SASH1: variants seen among roughly 807,000 people sequenced by gnomAD.
SASH1 encodes the protein SAM and SH3 domain-containing protein 1.
SASH1 carries 44 observed loss-of-function variants against 125.2 expected under a neutral mutation model. The observed-to-expected ratio is 0.35, with a 90% CI of 0.28 to 0.45. The LOEUF is 0.45. Among genes scored for constraint, SASH1 ranks in the 20% least tolerant of loss-of-function variants. The pLI, the probability that SASH1 is intolerant of heterozygous loss-of-function variation, is 1.00. For missense variants in SASH1, 1,426 were observed against 1,614.5 expected (o/e 0.88, Z 2.00); for synonymous variants, 639 against 649.1 (o/e 0.98, Z 0.24).
intron 4 of SASH1, among the ~76,000 whole-genome samples, chr6:148,454,779 C>T (rs1393607122): frequency 6.6e-6 from 1 of 152,134 alleles, no homozygotes; most frequent in East Asian, 1.9e-4. Flanking sequence ...GGTCTAAAGG[C>T]CTTGTCAAGC....
At chr6:148,267,870 C>T (rs912315578), upstream of SASH1, among the ~76,000 whole-genome samples, 4 of 152,166 alleles carry the variant, frequency 2.6e-5, no homozygotes, top group African/African-American at 7.2e-5. Flanking sequence ...TGACTCTTAA[C>T]AGCAAGCAAT....
At chr6:148,450,995 T>G (rs1777074952) in intron 4 of SASH1, among the ~76,000 whole-genome samples, 1 of 152,240 alleles carries the variant, frequency 6.6e-6, no homozygotes, top group African/African-American at 2.4e-5. Context: ...TAGTAAGTGC[T>G]TGATAATCTT....
Position 148,549,582 on chromosome 6 carries a change from T to A in SASH1, c.*1024T>A. 1 of 399,018 alleles carries A rather than the reference T, an allele frequency of 2.5e-6. No individual in the cohort carries two copies. Among genetic ancestry groups the A allele is most frequent in the Non-Finnish European group, 4.4e-6 (1 of 226,036 alleles). The allele number at this position is 399,018 out of a possible 1,614,324, so 24.7% of individuals were successfully genotyped here. ...GGATCATGTTTGCAAAAGGTCACTG[T>A]GAGGCTGCATATTTCAGAAAGATGT... is the stretch of plus-strand genomic sequence containing the variant. On this transcript the variant is annotated 3_prime_UTR_variant, in exon 20 of 20. Coordinates refer to ENST00000367467, the MANE Select transcript of SASH1 (RefSeq NM_015278.5).
intron 1 of SASH1, among the ~76,000 whole-genome samples, chr6:148,275,455 C>G (rs1050501014): frequency 6.6e-6 from 1 of 152,112 alleles, no homozygotes; most frequent in Non-Finnish European, 1.5e-5. Context: ...TAATTCCTGG[C>G]AAACTCTCGA....
At chr6:148,248,616 G>A in the SASH1 span, among the ~76,000 whole-genome samples, 1 of 152,164 alleles carries the variant, frequency 6.6e-6, no homozygotes, top group African/African-American at 2.4e-5. Flanking sequence ...TTTCCCATCA[G>A]CTTGGTGTAA....
At chr6:148,509,087 G>A (rs1562467906) in intron 8 of SASH1, among the ~76,000 whole-genome samples, 1 of 152,088 alleles carries the variant, frequency 6.6e-6, no homozygotes, top group Non-Finnish European at 1.5e-5. Context: ...GTAACTTTTA[G>A]AGAATAGTGA....
intron 1 of SASH1, among the ~76,000 whole-genome samples, chr6:148,387,758 G>C (rs1406383459): frequency 6.7e-6 from 1 of 148,166 alleles, no homozygotes. Flanking sequence ...TTCTTTGACG[G>C]AGTTTCACTC....
the SASH1 span, among the ~76,000 whole-genome samples, chr6:148,219,245 T>A: frequency 3.2e-4 from 48 of 152,224 alleles, 2 homozygotes. Context: ...ATTGTAGAAA[T>A]TCCAGGAGCC....
chr6:148,303,583 G>A (rs1780032936), intron 1 of SASH1, among the ~76,000 whole-genome samples: 1 of 151,774 alleles, frequency 6.6e-6, no homozygotes, highest in East Asian at 1.9e-4. Flanking sequence ...GATCACTTGA[G>A]GTCAGGAGTT....
Position 148,544,590 on chromosome 6 carries a change from T to C in SASH1, c.3120T>C (p.Ala1040=), listed in dbSNP as rs781190709. Residue 1040 remains alanine (A), a synonymous_variant, in exon 18 of 20, where the codon GCT becomes GCC. Coordinates refer to ENST00000367467, the MANE Select transcript of SASH1 (RefSeq NM_015278.5). The surrounding 1 kb of genome is among the most constrained non-coding windows in gnomAD (Gnocchi z 6.4). ...TSPSDCPPAL[A]PRPLSGQAPG... The stretch of plus-strand genomic sequence containing the variant: ...CTAGCGACTGTCCCCCAGCACTGGC[T>C]CCCAGGCCTCTCTCAGGGCAGGCGC... The C allele has an allele frequency of 1.9e-6, 3 of 1,612,918 alleles. No homozygotes were observed. In the African/African-American group the frequency reaches 4.0e-5, roughly 22 times the overall value.
At chr6:148,260,950 G>A in the SASH1 span, among the ~76,000 whole-genome samples, 2 of 151,590 alleles carry the variant, frequency 1.3e-5, no homozygotes, top group Non-Finnish European at 2.9e-5. Flanking sequence ...GACTACCAGC[G>A]CGTGCCACCA....
intron 8 of SASH1, among the ~76,000 whole-genome samples, chr6:148,490,856 A>G (rs570232903): frequency 2.8e-4 from 42 of 152,318 alleles, no homozygotes; most frequent in Non-Finnish European, 8.8e-5. Context: ...TCCACACCCA[A>G]TAGCCTATAC....
At chr6:148,349,868 C>A (rs565279822) in intron 1 of SASH1, among the ~76,000 whole-genome samples, 2 of 146,268 alleles carry the variant, frequency 1.4e-5, no homozygotes, top group African/African-American at 5.2e-5. Flanking sequence ...TTTTTTGAGA[C>A]GGAGTCTCGC....
chr6:148,525,635 C>T (rs1439947883), intron 11 of SASH1, among the ~76,000 whole-genome samples: 2 of 152,192 alleles, frequency 1.3e-5, no homozygotes, highest in Non-Finnish European at 1.5e-5. Context: ...GTAACAAATC[C>T]AGATAAGTCT....
At chr6:148,283,625 T>A (rs1057322617) in intron 1 of SASH1, among the ~76,000 whole-genome samples, 2 of 151,902 alleles carry the variant, frequency 1.3e-5, no homozygotes, top group African/African-American at 4.8e-5. Flanking sequence ...ATGCAAAAAA[T>A]TAGCTGGGTG....
intron 2 of SASH1, among the ~76,000 whole-genome samples, chr6:148,432,478 T>C (rs1268259875): frequency 6.6e-6 from 1 of 152,208 alleles, no homozygotes. Context: ...AGTTCAGAGC[T>C]TGGGTCCTTC....
chr6:148,378,917 G>A (rs1783021566), intron 1 of SASH1, among the ~76,000 whole-genome samples: 1 of 152,196 alleles, frequency 6.6e-6, no homozygotes, highest in African/African-American at 2.4e-5. Flanking sequence ...GCTGGCCAAG[G>A]GCTGGATGAG....
chr6:148,242,711 T>C, the SASH1 span, among the ~76,000 whole-genome samples: 2 of 152,214 alleles, frequency 1.3e-5, no homozygotes, highest in African/African-American at 4.8e-5. Context: ...TCGCAATTTA[T>C]TCTGATCTCT....
chr6:148,346,343 T>C (rs2114645386), intron 1 of SASH1, among the ~76,000 whole-genome samples: 1 of 152,300 alleles, frequency 6.6e-6, no homozygotes, highest in South Asian at 2.1e-4. Context: ...ATAGTTGCTT[T>C]CAGATAATTG....
Sources: gnomAD v4.1 joint callset for allele counts (sites outside exome capture counted in the v4.1 genomes callset) on GRCh38, gnomAD v4.1.1 for gene constraint, Gnocchi (gnomAD v3.1) non-coding constraint, MANE v1.5 for transcripts, NCBI Gene and HGNC (gene_info 2026-07-23, HGNC 2026-07-21) for gene names.